Variants in EPHA5 observed in about 807,000 individuals in gnomAD.
EPHA5 encodes the protein EPH receptor A5.
Under a neutral mutation model 105.0 loss-of-function variants are expected in EPHA5, and 60 were observed. That is an observed-to-expected ratio of 0.57 (90% CI 0.46 to 0.71). The LOEUF is 0.71. EPHA5 is among the 30% of genes least tolerant of loss of function. The pLI, the probability that EPHA5 is intolerant of heterozygous loss-of-function variation, is 0.00. For missense variants in EPHA5, 1,218 were observed against 1,274.7 expected, an observed-to-expected ratio of 0.96 and a Z score of 0.68; for synonymous variants, 513 against 449.1, an observed-to-expected ratio of 1.14 and a Z score of -1.80.
At chr4:65,348,748 CAT>C (rs10633854) in intron 13 of EPHA5, among the ~76,000 whole-genome samples, 837 of 73,096 alleles carry the variant, frequency 0.011, 23 homozygotes, top group African/African-American at 0.04. Context: ...TATGTGTGTG[CAT>C]ATATATATGT....
rs749201720 is a variant in EPHA5, at chr4:65,319,906, T to C, written c.*4208A>G. The stretch of plus-strand genomic sequence containing the variant: ...AAAACTACAGCAGCCTAAAGAGTCA[T>C]AGATATGTTGACCACTGAAACTTCT... On this transcript the variant is annotated 3_prime_UTR_variant, in exon 17 of 17. Transcript: ENST00000613740. 7.8e-5 allele frequency: 18 copies of C among 230,144 alleles called. No individual in the cohort carries two copies. Among genetic ancestry groups the C allele is most frequent in the Non-Finnish European group, 1.3e-4 (15 of 116,116 alleles). 14.3% of individuals were successfully genotyped at this position (230,144 alleles called of 1,614,324 possible). A position where few individuals can be genotyped will look rare whatever the true frequency, so the allele number is the denominator to read the frequency against.
At chr4:65,365,852 C>G (rs2148891541) in intron 10 of EPHA5, 80 bp downstream of exon 10, 1 of 1,387,064 alleles carries the variant, frequency 7.2e-7, no homozygotes. Flanking sequence ...AAAACATTCT[C>G]TGTTACATCA....
intron 2 of EPHA5, among the ~76,000 whole-genome samples, chr4:65,621,564 G>A (rs1448126197): frequency 6.6e-6 from 1 of 152,066 alleles, no homozygotes; most frequent in African/African-American, 2.4e-5. Context: ...TACAAAACTT[G>A]CTTATAATAA....
chr4:65,412,142 C>T (rs1440170198), intron 7 of EPHA5, among the ~76,000 whole-genome samples: 2 of 152,090 alleles, frequency 1.3e-5, no homozygotes, highest in Admixed American at 6.6e-5. Context: ...TCAGGAGAAT[C>T]GCTTGAACTC....
At chr4:65,613,253 A>G (rs1394373589) in intron 2 of EPHA5, among the ~76,000 whole-genome samples, 5 of 152,074 alleles carry the variant, frequency 3.3e-5, no homozygotes, top group African/African-American at 4.8e-5. Flanking sequence ...TTATGCCTGT[A>G]TCATGCTGTT....
chr4:65,341,877 T>TA (rs1390345043), intron 14 of EPHA5, among the ~76,000 whole-genome samples: 1 of 152,088 alleles, frequency 6.6e-6, no homozygotes, highest in Non-Finnish European at 1.5e-5. Flanking sequence ...TACAAATGAC[T>TA]AGAGTTTATG....
chr4:65,522,163 T>G (rs1211995528), intron 3 of EPHA5, among the ~76,000 whole-genome samples: 1 of 152,036 alleles, frequency 6.6e-6, no homozygotes, highest in South Asian at 2.1e-4. Flanking sequence ...TGTATGTATT[T>G]TGTATCTTTC....
At chr4:65,525,428 A>G (rs1735138166) in intron 3 of EPHA5, among the ~76,000 whole-genome samples, 1 of 151,934 alleles carries the variant, frequency 6.6e-6, no homozygotes, top group Admixed American at 6.6e-5. Flanking sequence ...ATGAGGCTGG[A>G]ACATTTTCAT....
At chr4:65,414,509 A>G (rs887658164) in intron 6 of EPHA5, 66 bp from the exon 7 acceptor site, 22 of 1,520,606 alleles carry the variant, frequency 1.4e-5, no homozygotes, top group African/African-American at 2.8e-5. Context: ...AGCAAAATTT[A>G]GAATCATAGA....
At chr4:65,558,827 T>C (rs1158191524) in intron 3 of EPHA5, among the ~76,000 whole-genome samples, 1 of 152,160 alleles carries the variant, frequency 6.6e-6, no homozygotes, top group East Asian at 1.9e-4. Flanking sequence ...GACCTGGCAT[T>C]TTATTCAAGA....
intron 8 of EPHA5, among the ~76,000 whole-genome samples, chr4:65,400,605 T>C (rs1721718899): frequency 2.0e-5 from 3 of 152,166 alleles, no homozygotes; most frequent in Non-Finnish European, 2.9e-5. Flanking sequence ...GATTTCTGCA[T>C]AATCAATTTA....
chr4:65,663,038 T>C lies in EPHA5; in HGVS notation c.181+6524A>G, dbSNP rs983899955. ...TTGTTATGCTCACCTATAGTATAACTAATAATTTAAGCATTATTAATAAAG... is the reference window on the plus strand; with the variant it reads ...TTGTTATGCTCACCTATAGTATAACCAATAATTTAAGCATTATTAATAAAG... On this transcript the variant is annotated intron_variant, in intron 1 of 16. Coordinates refer to ENST00000613740, the MANE Select transcript of EPHA5 (RefSeq NM_001281766.3). Among the ~76,000 whole-genome samples the C allele has an allele frequency of 2.0e-5, 3 of 152,134 alleles. No homozygotes were observed. The South Asian group carries it at 6.2e-4, about 31-fold the overall frequency.
intron 5 of EPHA5, among the ~76,000 whole-genome samples, chr4:65,439,414 T>G (rs13137473): frequency 6.6e-6 from 1 of 151,924 alleles, no homozygotes; most frequent in Admixed American, 6.6e-5. Context: ...TGTTCCGCTG[T>G]TCCACATCTC....
At position 65,321,201 on chromosome 4, in the gene EPHA5, A is replaced by G. The variant is rs1484345246; in HGVS notation, c.*2913T>C. ...GCCCCTTAAGATATTGCTACTGGCAATTACAATAAGATTATGTATTATTTG... is the reference window on the plus strand; with the variant it reads ...GCCCCTTAAGATATTGCTACTGGCAGTTACAATAAGATTATGTATTATTTG... On this transcript the variant is annotated 3_prime_UTR_variant, in exon 17 of 17. Coordinates refer to ENST00000613740, the MANE Select transcript of EPHA5 (RefSeq NM_001281766.3). 3.5e-5 allele frequency: 8 copies of G among 230,616 alleles called. No individual in the cohort carries two copies. The highest frequency in any genetic ancestry group is 1.8e-4 in the African/African-American group (8 of 45,166). The allele number at this position is 230,616 out of a possible 1,614,324, so 14.3% of individuals were successfully genotyped here.
At chr4:65,654,651 T>C (rs1748900550) in intron 1 of EPHA5, among the ~76,000 whole-genome samples, 1 of 148,732 alleles carries the variant, frequency 6.7e-6, no homozygotes. Context: ...CATTTACAGA[T>C]ACATATATAT....
intron 3 of EPHA5, among the ~76,000 whole-genome samples, chr4:65,588,365 C>T (rs1338037072): frequency 1.3e-5 from 2 of 152,062 alleles, no homozygotes; most frequent in Non-Finnish European, 2.9e-5. Context: ...AAACTATTCC[C>T]TTTGGCCTAC....
intron 10 of EPHA5, among the ~76,000 whole-genome samples, chr4:65,365,689 A>ATATATATT (rs765636669): frequency 0.014 from 1,354 of 93,700 alleles, 164 homozygotes; most frequent in Non-Finnish European, 0.023. Context: ...ATATATATAT[A>ATATATATT]GTGAAACATT....
chr4:65,566,195 T>C (rs1014224295), intron 3 of EPHA5, among the ~76,000 whole-genome samples: 24 of 151,768 alleles, frequency 1.6e-4, no homozygotes, highest in Non-Finnish European at 7.4e-5. Flanking sequence ...TCTTTCTGTT[T>C]AGCAATTCCA....
intron 14 of EPHA5, among the ~76,000 whole-genome samples, chr4:65,344,750 T>C (rs1297166668): frequency 6.6e-6 from 1 of 152,224 alleles, no homozygotes; most frequent in East Asian, 1.9e-4. Context: ...ACATTTGGCA[T>C]TTATCTGAAG....
Sources: gnomAD v4.1 joint callset for allele counts (sites outside exome capture counted in the v4.1 genomes callset) on GRCh38, gnomAD v4.1.1 for gene constraint, MANE v1.5 for transcripts, NCBI Gene and HGNC (gene_info 2026-07-23, HGNC 2026-07-21) for gene names.